Variants in ZMYM6 observed in about 807,000 individuals in gnomAD.
ZMYM6 encodes zinc finger MYM-type protein 6.
ZMYM6 carries 90 observed loss-of-function variants against 134.0 expected under a neutral mutation model. That is an observed-to-expected ratio of 0.67 (90% CI 0.57 to 0.80). ZMYM6 has a LOEUF of 0.80. Ranked by LOEUF, ZMYM6 falls within the 30% of genes least tolerant of loss-of-function variation. ZMYM6 has a pLI of 0.00. For missense variants in ZMYM6, 1,362 were observed against 1,533.9 expected (o/e 0.89, Z 1.87); for synonymous variants, 481 against 524.1 (o/e 0.92, Z 1.12).
intron 4 of ZMYM6, 22 bp from the exon 5 acceptor site, chr1:35,015,184 A>C: frequency 6.4e-7 from 1 of 1,562,498 alleles, no homozygotes; most frequent in South Asian, 1.2e-5. Context: ...TAACAAAGGT[A>C]AAAATGAAAT....
In ZMYM6 at chr1:34,988,538, A is replaced by G; in HGVS notation, c.2544T>C (p.Ile848=). The G allele has an allele frequency of 6.4e-7, 1 of 1,551,316 alleles. No individual in the cohort carries two copies. Among genetic ancestry groups the G allele is most frequent in the Non-Finnish European group, 8.7e-7 (1 of 1,146,882 alleles). Reference sequence around the variant, plus strand: ...AATATGGTTTAATTAATTCTTCAGCAATGGAGAATGGCTTCTTGCTTGCAG... The same window carrying G: ...AATATGGTTTAATTAATTCTTCAGCGATGGAGAATGGCTTCTTGCTTGCAG... ...QTAASKKPFS[I]AEELIKPYLV... The change falls in exon 16 of 16, where the codon ATT becomes ATC. Residue 848 remains isoleucine, a synonymous_variant. Coordinates refer to ENST00000357182, the MANE Select transcript of ZMYM6 (RefSeq NM_007167.4).
chr1:34,995,632 T>C lies in ZMYM6; in HGVS notation c.1993-3245A>G, dbSNP rs998451979. 3.9e-5 allele frequency among the ~76,000 whole-genome samples: 6 copies of C among 152,138 alleles called. No individual in the cohort carries two copies. In the South Asian group the frequency reaches 1.2e-3, roughly 31 times the overall value. On this transcript the variant is annotated intron_variant, in intron 14 of 15. Transcript: ENST00000357182. ...GACTAGTGATGGGTAGTACACACAG[T>C]GTGGATATGCTAGACAGAGATGATT...
intron 2 of ZMYM6, among the ~76,000 whole-genome samples, chr1:35,022,399 G>A (rs536868683): frequency 3.9e-5 from 6 of 152,226 alleles, no homozygotes; most frequent in Non-Finnish European, 8.8e-5. Flanking sequence ...GGGTAGCTGG[G>A]ATTACAGGCA....
At chr1:35,007,177 C>G (rs933134419) in intron 11 of ZMYM6, 79 bp from the exon 12 acceptor site, 4 of 1,430,508 alleles carry the variant, frequency 2.8e-6, no homozygotes, top group Non-Finnish European at 1.9e-6. Context: ...AAAAGAGGGA[C>G]TACGAAAACA....
At chr1:35,012,924 T>G in intron 6 of ZMYM6, 1 of 985,236 alleles carries the variant, frequency 1.0e-6, no homozygotes, top group South Asian at 4.7e-5. Flanking sequence ...CTTGGTATAG[T>G]CTTGTACATC....
chr1:34,992,462 T>C (rs183774321), intron 14 of ZMYM6, 75 bp from the exon 15 acceptor site: 25 of 1,482,168 alleles, frequency 1.7e-5, no homozygotes, highest in Middle Eastern at 1.9e-4. Context: ...TTGCTATCAA[T>C]TGAAAGTTCA....
chr1:35,011,137 A>G (rs1641077220), intron 8 of ZMYM6, 101 bp from the exon 9 acceptor site: 1 of 1,261,616 alleles, frequency 7.9e-7, no homozygotes, highest in Non-Finnish European at 1.1e-6. Context: ...TCCCACAAAC[A>G]TTTTTTAAAA....
intron 13 of ZMYM6, among the ~76,000 whole-genome samples, chr1:35,004,316 T>C (rs1640927839): frequency 1.3e-5 from 2 of 152,194 alleles, no homozygotes; most frequent in South Asian, 4.1e-4. Context: ...CTCAAGAGCC[T>C]GCCTGATTAA....
In ZMYM6 at chr1:35,003,968, A is replaced by G. The variant is rs771123250; in HGVS notation, c.1992T>C (p.Asp664=). Residue 664 remains aspartate, a splice_region_variant and synonymous_variant, in exon 14 of 16, where the codon GAT becomes GAC. Transcript: ENST00000357182. ...GAAAAGTATTAACAATTAAACTCAC[A>G]TCTTGAATGATCTTTGCTGCCTCTT... ...VTKEAAKIIQ[D]ESTQEDAMKF... The G allele has an allele frequency of 6.2e-7, 1 of 1,612,072 alleles. No individual in the cohort carries two copies. Among genetic ancestry groups the G allele is most frequent in the Admixed American group, 1.7e-5 (1 of 59,862 alleles).
chr1:35,020,255 A>T, intron 3 of ZMYM6, 128 bp downstream of exon 3: 1 of 713,282 alleles, frequency 1.4e-6, no homozygotes, highest in Non-Finnish European at 2.2e-6. Flanking sequence ...AAAACCAGCT[A>T]CTCACAGTTT....
chr1:34,999,808 A>G (rs75005154), intron 14 of ZMYM6, among the ~76,000 whole-genome samples: 9,053 of 152,264 alleles, frequency 0.059, 584 homozygotes, highest in East Asian at 0.38. Context: ...TGGTAGGGAT[A>G]AAAGTTGGAA....
chr1:35,015,818 T>A (rs1371709989), intron 4 of ZMYM6, among the ~76,000 whole-genome samples: 1 of 149,902 alleles, frequency 6.7e-6, no homozygotes, highest in Non-Finnish European at 1.5e-5. Context: ...CAACCAAGTT[T>A]CATCTGCTAT....
Position 35,011,871 on chromosome 1 carries a change from G to A in ZMYM6, c.1062+19C>T. 2 of 1,527,272 alleles carry A rather than the reference G, an allele frequency of 1.3e-6. No individual in the cohort carries two copies. Among genetic ancestry groups the A allele is most frequent in the Non-Finnish European group, 1.8e-6 (2 of 1,119,048 alleles). 94.6% of individuals were successfully genotyped at this position (1,527,272 alleles called of 1,614,324 possible). On this transcript the variant is annotated intron_variant, in intron 8 of 15. Transcript: ENST00000357182. The stretch of plus-strand genomic sequence containing the variant: ...TGCCTAACAGAACCACATGCATAAT[G>A]TGCTACCTTAGATCATACCTGGAAA...
At chr1:35,029,670 C>T (rs1641482018) in intron 2 of ZMYM6, among the ~76,000 whole-genome samples, 1 of 152,154 alleles carries the variant, frequency 6.6e-6, no homozygotes. Flanking sequence ...CTTTCCAACT[C>T]AGGGCTTTCC....
intron 2 of ZMYM6, among the ~76,000 whole-genome samples, chr1:35,029,897 C>G (rs1013900904): frequency 3.9e-5 from 6 of 152,154 alleles, no homozygotes; most frequent in African/African-American, 1.4e-4. Flanking sequence ...TTGACCAATA[C>G]TTTTGTAATC....
At chr1:35,012,049 G>A in intron 7 of ZMYM6, 44 bp from the exon 8 acceptor site, 1 of 1,205,838 alleles carries the variant, frequency 8.3e-7, no homozygotes, top group Non-Finnish European at 1.2e-6. Flanking sequence ...TTATACCAAT[G>A]AACAAACAAT....
chr1:34,986,967 C>G lies in ZMYM6; in HGVS notation c.*137G>C, dbSNP rs1389436261. ...TATAACAATCATAATTATTAAATTC[C>G]TCAACAAAAAGGGAAAAATTATTAA... On this transcript the variant is annotated 3_prime_UTR_variant, in exon 16 of 16. Transcript: ENST00000357182. The G allele has an allele frequency of 1.9e-6, 1 of 532,722 alleles. No homozygotes were observed. The allele number at this position is 532,722 out of a possible 1,614,324, so 33.0% of individuals were successfully genotyped here.
chr1:35,015,672 C>T (rs951444574), intron 4 of ZMYM6, among the ~76,000 whole-genome samples: 11 of 137,276 alleles, frequency 8.0e-5, no homozygotes, highest in African/African-American at 2.8e-4. Flanking sequence ...TGCAGTGAGC[C>T]GAGATTGTGC....
intron 14 of ZMYM6, among the ~76,000 whole-genome samples, chr1:34,993,237 G>T (rs1640717338): frequency 6.6e-6 from 1 of 151,536 alleles, no homozygotes; most frequent in Non-Finnish European, 1.5e-5. Context: ...TCAGCCTCCT[G>T]AGTAGCTGGG....
Sources: allele counts gnomAD v4.1 joint callset (sites outside exome capture counted in the v4.1 genomes callset), GRCh38; gene constraint gnomAD v4.1.1; transcripts MANE v1.5; gene names NCBI Gene and HGNC (gene_info 2026-07-23, HGNC 2026-07-21).